DLGAP5: variants seen among roughly 807,000 people sequenced by gnomAD.
The protein encoded by DLGAP5 is DLG associated protein 5, also known as disks large-associated protein 5.
A neutral mutation model predicts 99.6 loss-of-function variants in DLGAP5; 90 were observed. The ratio of observed to expected loss-of-function variants is 0.90; its 90% CI spans 0.76 to 1.08. The LOEUF is 1.08. Ranked by LOEUF, DLGAP5 falls within the 50% of genes least tolerant of loss-of-function variation. DLGAP5 has a pLI of 0.00. For synonymous variants in DLGAP5, 311 were observed against 321.3 expected (o/e 0.97, Z 0.34); for missense variants, 1,036 against 983.5 (o/e 1.05, Z -0.71).
At chr14:55,177,680 G>GACGCCCGCCACC (rs1476261681) in intron 7 of DLGAP5, among the ~76,000 whole-genome samples, 1 of 151,738 alleles carries the variant, frequency 6.6e-6, no homozygotes, top group Non-Finnish European at 1.5e-5. Context: ...TGGGACTACA[G>GACGCCCGCCACC]ACGCCCGCCA....
intron 15 of DLGAP5, 123 bp downstream of exon 15, chr14:55,154,494 G>GTT (rs1362676361): frequency 6.4e-6 from 5 of 783,920 alleles, no homozygotes; most frequent in Non-Finnish European, 1.0e-5. Flanking sequence ...CTGCCTATAT[G>GTT]TTGCAGGGTC....
At chr14:55,188,507 C>T (rs892383129) in intron 2 of DLGAP5, among the ~76,000 whole-genome samples, 1 of 152,064 alleles carries the variant, frequency 6.6e-6, no homozygotes, top group African/African-American at 2.4e-5. Context: ...TTATCCTACC[C>T]AAGCTCCGTA....
At chr14:55,176,897 G>A (rs1301328884) in intron 8 of DLGAP5, among the ~76,000 whole-genome samples, 165 bp downstream of exon 8, 2 of 137,848 alleles carry the variant, frequency 1.5e-5, no homozygotes, top group Non-Finnish European at 1.5e-5. Context: ...AGAATGGCGT[G>A]AACCCGGGTG....
intron 10 of DLGAP5, among the ~76,000 whole-genome samples, chr14:55,171,202 G>A (rs1397819261): frequency 6.6e-6 from 1 of 152,160 alleles, no homozygotes. Context: ...TATAGTGATG[G>A]GGCCTCACAG....
chr14:55,184,133 A>T (rs1328940440), intron 2 of DLGAP5, among the ~76,000 whole-genome samples: 1 of 151,872 alleles, frequency 6.6e-6, no homozygotes, highest in Non-Finnish European at 1.5e-5. Flanking sequence ...AGCCTAAGCA[A>T]CAGAGCAAGA....
chr14:55,174,454 C>A (rs1882984543), intron 10 of DLGAP5, among the ~76,000 whole-genome samples: 1 of 152,118 alleles, frequency 6.6e-6, no homozygotes, highest in African/African-American at 2.4e-5. Flanking sequence ...ATGTCTGTGA[C>A]CCACACCTAT....
chr14:55,172,179 T>TAA (rs35259527), intron 10 of DLGAP5, among the ~76,000 whole-genome samples: 3 of 139,764 alleles, frequency 2.1e-5, no homozygotes, highest in African/African-American at 5.1e-5. Flanking sequence ...TTTGTTTCTT[T>TAA]AAAAAAAAAA....
intron 8 of DLGAP5, among the ~76,000 whole-genome samples, chr14:55,176,794 T>C (rs997917440): frequency 6.6e-6 from 1 of 151,456 alleles, no homozygotes; most frequent in African/African-American, 2.4e-5. Flanking sequence ...CTGGCTAACA[T>C]GGTGAAACCC....
At chr14:55,178,634 A>G (rs954639783) in intron 7 of DLGAP5, among the ~76,000 whole-genome samples, 11 of 152,256 alleles carry the variant, frequency 7.2e-5, no homozygotes, top group Non-Finnish European at 1.5e-4. Flanking sequence ...GGGGGGACCT[A>G]TAAGGTCCAG....
intron 16 of DLGAP5, 103 bp downstream of exon 16, chr14:55,152,487 G>C (rs1882052809): frequency 1.2e-6 from 1 of 847,374 alleles, no homozygotes; most frequent in Non-Finnish European, 1.7e-6. Flanking sequence ...GACTGATTTA[G>C]ATTTCCAACG....
intron 2 of DLGAP5, among the ~76,000 whole-genome samples, chr14:55,186,542 T>C (rs1486807221): frequency 6.6e-6 from 1 of 152,218 alleles, no homozygotes; most frequent in Non-Finnish European, 1.5e-5. Flanking sequence ...ATTGTCTTAC[T>C]GACAAAAGGT....
intron 12 of DLGAP5, among the ~76,000 whole-genome samples, chr14:55,163,857 C>T (rs2140312567): frequency 6.6e-6 from 1 of 152,302 alleles, no homozygotes; most frequent in South Asian, 2.1e-4. Context: ...GTCTTTTGCC[C>T]ATTTTTAATT....
At chr14:55,185,554 T>G (rs952351771) in intron 2 of DLGAP5, among the ~76,000 whole-genome samples, 1 of 151,936 alleles carries the variant, frequency 6.6e-6, no homozygotes, top group Non-Finnish European at 1.5e-5. Context: ...TGGCGCAATC[T>G]TGGCTCACTG....
chr14:55,179,800 C>T (rs1566506750), intron 6 of DLGAP5, 101 bp from the exon 7 acceptor site: 7 of 895,522 alleles, frequency 7.8e-6, no homozygotes, highest in African/African-American at 1.7e-5. Flanking sequence ...GAATATATGT[C>T]TTGAAGGATT....
intron 2 of DLGAP5, among the ~76,000 whole-genome samples, chr14:55,188,660 C>A (rs1479430242): frequency 2.0e-5 from 3 of 151,884 alleles, no homozygotes; most frequent in Non-Finnish European, 2.9e-5. Context: ...CACCTGTAAT[C>A]CCCACACTTT....
At chr14:55,169,080 G>C (rs1566500577) in intron 12 of DLGAP5, among the ~76,000 whole-genome samples, 1 of 150,090 alleles carries the variant, frequency 6.7e-6, no homozygotes, top group Non-Finnish European at 1.5e-5. Flanking sequence ...GGAGGCTGAG[G>C]CAAGAGAATG....
In DLGAP5 at chr14:55,169,431, G is replaced by A. The variant is rs1390380321; in HGVS notation, c.1516C>T (p.Leu506=). Reference sequence around the variant, plus strand: ...CTAACCATATCCCAAAATCCATCCAGATCTGTACAGGTAGTCTCCTTTATA... The same window carrying A: ...CTAACCATATCCCAAAATCCATCCAAATCTGTACAGGTAGTCTCCTTTATA... ...RGIKETTCTD[L]DGFWDMVSFQ... is the part of the protein sequence containing the mutation. Residue 506 remains leucine, a synonymous_variant, in exon 12 of 19, where the codon CTG becomes TTG. Coordinates refer to ENST00000247191, the MANE Select transcript of DLGAP5 (RefSeq NM_014750.5). 2 of 1,585,810 alleles carry A rather than the reference G, an allele frequency of 1.3e-6. No individual in the cohort carries two copies. The highest frequency in any genetic ancestry group is 1.4e-5 in the African/African-American group (1 of 72,662).
In DLGAP5 at chr14:55,170,683, A is replaced by T; in HGVS notation, c.1387+19T>A. 6.3e-7 allele frequency: 1 copy of T among 1,598,850 alleles called. No homozygotes were observed. The highest frequency in any genetic ancestry group is 8.6e-7 in the Non-Finnish European group (1 of 1,167,462). On this transcript the variant is annotated intron_variant, in intron 11 of 18. Transcript: ENST00000247191. The stretch of plus-strand genomic sequence containing the variant: ...AGTAAAAGAAACAAAGCAAACAAAA[A>T]ATACAAATGTTGCCTCACCATCATC...
intron 11 of DLGAP5, among the ~76,000 whole-genome samples, chr14:55,170,096 T>C (rs182925773): frequency 5.6e-4 from 85 of 151,726 alleles, no homozygotes; most frequent in African/African-American, 1.8e-3. Context: ...TATGGCGCCA[T>C]TGCACTCCAG....
Sources: gnomAD v4.1 joint callset for allele counts (sites outside exome capture counted in the v4.1 genomes callset) on GRCh38, gnomAD v4.1.1 for gene constraint, MANE v1.5 for transcripts, NCBI Gene and HGNC (gene_info 2026-07-23, HGNC 2026-07-21) for gene names.